RP1: variants seen among roughly 807,000 people sequenced by gnomAD.
RP1 encodes RP1 axonemal microtubule associated.
RP1 carries 16 observed loss-of-function variants against 14.8 expected under a neutral mutation model. The ratio of observed to expected loss-of-function variants is 1.08; its 90% CI spans 0.73 to 1.65. RP1 has a LOEUF of 1.65. Among genes scored for constraint, RP1 ranks in the 40% most tolerant of loss-of-function variants. The pLI, the probability that RP1 is intolerant of heterozygous loss-of-function variation, is 0.00. For missense variants in RP1, 2,631 were observed against 2,535.0 expected (o/e 1.04, Z -0.81); for synonymous variants, 876 against 883.6 (o/e 0.99, Z 0.15).
At position 54,626,434 on chromosome 8, in the gene RP1, CAAAGA is replaced by C; in HGVS notation, c.2554_2558del (p.Lys852GlufsTer8). 6.2e-7 allele frequency: 1 copy of C among 1,613,360 alleles called. No individual in the cohort carries two copies. Among genetic ancestry groups the C allele is most frequent in the Non-Finnish European group, 8.5e-7 (1 of 1,179,800 alleles). ...GCATCTGGGTATTTGAGAGGAATGG[CAAAGA>C]AGAGTTTAGTTTCAAAAGTTACTGA... On this transcript the variant is annotated frameshift_variant, in exon 4 of 4. Transcript: ENST00000220676. LOFTEE classifies it low-confidence loss of function (END_TRUNC).
intron 6 of RP1, chr8:54,663,581 T>A (rs1301318069): frequency 4.3e-6 from 4 of 940,562 alleles, no homozygotes; most frequent in Admixed American, 7.3e-5. Flanking sequence ...CTGTGGTTTC[T>A]GGCATCCACT....
intron 19 of RP1, among the ~76,000 whole-genome samples, chr8:54,744,273 G>A (rs1259602197): frequency 6.6e-6 from 1 of 152,172 alleles, no homozygotes; most frequent in Non-Finnish European, 1.5e-5. Flanking sequence ...CCCTCCAGCA[G>A]TAATCTGTCC....
At chr8:54,802,595 C>T (rs918865843) in intron 24 of RP1, among the ~76,000 whole-genome samples, 4 of 152,258 alleles carry the variant, frequency 2.6e-5, no homozygotes, top group African/African-American at 7.2e-5. Context: ...TTCTTTCTTT[C>T]TGAAAGGTAA....
At chr8:54,644,468 T>C (rs1460918969) in intron 3 of RP1, among the ~76,000 whole-genome samples, 1 of 152,212 alleles carries the variant, frequency 6.6e-6, no homozygotes, top group Non-Finnish European at 1.5e-5. Context: ...AAGGGGTCCA[T>C]ACCATTAGAC....
At position 54,621,110 on chromosome 8, in the gene RP1, C is replaced by T; in HGVS notation, c.144C>T (p.Phe48=). ...ISFYKSGDPQ[F]GGVRVVVNPR... is the part of the protein sequence containing the mutation. Reference sequence around the variant, plus strand: ...TCTACAAGAGCGGAGACCCCCAATTCGGCGGGGTCAGGGTGGTGGTCAACC... The same window carrying T: ...TCTACAAGAGCGGAGACCCCCAATTTGGCGGGGTCAGGGTGGTGGTCAACC... Residue 48 remains phenylalanine (F), a synonymous_variant, in exon 2 of 4, where the codon TTC becomes TTT. Transcript: ENST00000220676. 3 of 1,614,160 alleles carry T rather than the reference C, an allele frequency of 1.9e-6. No homozygotes were observed. Among genetic ancestry groups the T allele is most frequent in the Non-Finnish European group, 1.7e-6 (2 of 1,180,034 alleles).
rs181784802 is a variant in RP1, at chr8:54,713,194, G to A, written c.2211+6539G>A. On this transcript the variant is annotated intron_variant, in intron 15 of 22. Transcript: ENST00000636932. ...AAATACACTTACATTTAAATAAAGT[G>A]ACACTGATCCTATAACAAATATTTC... Among the ~76,000 whole-genome samples the A allele has an allele frequency of 5.3e-5, 8 of 152,100 alleles. No individual in the cohort carries two copies. The East Asian group carries it at 1.4e-3, about 26-fold the overall frequency.
rs1805996252 is a variant in RP1 at position 54,625,167 on chromosome 8, A to G, written c.1285A>G (p.Thr429Ala). The stretch of plus-strand genomic sequence containing the variant: ...CAGTTCTGCTAGTTGGGAGAATGCT[A>G]CTGTGGACACAGATATCATCCAGGG... ...TCSSASWENATVDTDIIQGTQ... is the reference protein window; with the variant it reads ...TCSSASWENAAVDTDIIQGTQ... Residue 429 changes from threonine to alanine, a missense_variant, in exon 4 of 4, where the codon ACT becomes GCT. Transcript: ENST00000220676. 1.2e-6 allele frequency: 2 copies of G among 1,614,088 alleles called. No homozygotes were observed. The highest frequency in any genetic ancestry group is 1.7e-6 in the Non-Finnish European group (2 of 1,180,048).
intron 16 of RP1, among the ~76,000 whole-genome samples, chr8:54,724,615 C>G (rs554739718): frequency 6.6e-6 from 1 of 151,938 alleles, no homozygotes; most frequent in Non-Finnish European, 1.5e-5. Context: ...CAAAGGGCTA[C>G]TAAGGGTTGC....
At chr8:54,707,329 G>T (rs988001427) in intron 15 of RP1, among the ~76,000 whole-genome samples, 3 of 152,048 alleles carry the variant, frequency 2.0e-5, no homozygotes, top group Non-Finnish European at 4.4e-5. Flanking sequence ...TCGCCATGTT[G>T]CCCAGGCTGG....
chr8:54,690,591 G>A, intron 12 of RP1, among the ~76,000 whole-genome samples: 1 of 151,976 alleles, frequency 6.6e-6, no homozygotes, highest in Non-Finnish European at 1.5e-5. Flanking sequence ...CGTCAGGGGA[G>A]TAGAGAATTC....
chr8:54,768,733 C>T (rs987559198), intron 22 of RP1, among the ~76,000 whole-genome samples: 8 of 152,098 alleles, frequency 5.3e-5, no homozygotes, highest in Admixed American at 5.2e-4. Flanking sequence ...CAGTAAATGG[C>T]AAAGCTGGTT....
chr8:54,754,756 A>C, intron 19 of RP1: 1 of 1,459,388 alleles, frequency 6.9e-7, no homozygotes, highest in South Asian at 1.4e-5. Flanking sequence ...AAGTTCTTTG[A>C]GAAATTGGAG....
chr8:54,595,001 A>G (rs1286462135), intron 1 of RP1, among the ~76,000 whole-genome samples: 1 of 152,124 alleles, frequency 6.6e-6, no homozygotes, highest in Non-Finnish European at 1.5e-5. Context: ...ATTTCAAGGT[A>G]TTTTTCTTAC....
At position 54,712,642 on chromosome 8, in the gene RP1, ACTC is replaced by A. The variant is rs563207081; in HGVS notation, c.2211+5991_2211+5993del. On this transcript the variant is annotated intron_variant, in intron 15 of 22. Transcript: ENST00000636932. Reference sequence around the variant, plus strand: ...TTATAGAGAAGAGCCTCCACAGAAAACTCCTCATTTATGTTTTACTTCTGCTAC... The same window carrying A: ...TTATAGAGAAGAGCCTCCACAGAAAACTCATTTATGTTTTACTTCTGCTAC... Among the ~76,000 whole-genome samples the A allele has an allele frequency of 1.7e-3, 257 of 151,132 alleles. 1 individual carries two copies. Among genetic ancestry groups the A allele is most frequent in the Middle Eastern group, 0.014 (4 of 290 alleles).
chr8:54,723,740 A>G (rs895027786), intron 16 of RP1, among the ~76,000 whole-genome samples: 7 of 152,190 alleles, frequency 4.6e-5, no homozygotes, highest in African/African-American at 1.2e-4. Flanking sequence ...CCACACTGCT[A>G]GGTATTGTTT....
Position 54,621,344 on chromosome 8 carries a change from C to G in RP1, c.378C>G (p.Pro126=), listed in dbSNP as rs764196570. The G allele has an allele frequency of 1.9e-6, 3 of 1,611,788 alleles. No homozygotes were observed. The highest frequency in any genetic ancestry group is 1.7e-6 in the Non-Finnish European group (2 of 1,179,008). The change falls in exon 2 of 4, where the codon CCC becomes CCG. Residue 126 remains proline, a synonymous_variant. Transcript: ENST00000220676. ...ACAAAGCCCGTCGGCGCCCGCGGCC[C>G]TGGCTCAGCAGCCGGGCCATTAGCG... ...DLDKARRRPR[P]WLSSRAISAH... is the part of the protein sequence containing the mutation.
chr8:54,783,148 G>A (rs1055686635), intron 23 of RP1, among the ~76,000 whole-genome samples: 5 of 152,044 alleles, frequency 3.3e-5, no homozygotes, highest in East Asian at 1.9e-4. Context: ...AGCTTGATAG[G>A]ACTCTTCTCT....
At position 54,754,657 on chromosome 8, in the gene RP1, G is replaced by A. The variant is rs538801506; in HGVS notation, c.2809-146G>A. On this transcript the variant is annotated intron_variant, in intron 19 of 22. Transcript: ENST00000636932. ...GGCAATTACTTTTGCACCAACCTAC[G>A]ACTACTACTACTAACAACCATCACC... 7.1e-4 allele frequency: 532 copies of A among 753,048 alleles called. 3 individuals carry two copies. The Middle Eastern group carries it at 9.4e-3, about 13-fold the overall frequency. The allele number at this position is 753,048 out of a possible 1,614,324, so 46.6% of individuals were successfully genotyped here.
At chr8:54,820,110 C>A (rs919304002) in intron 24 of RP1, among the ~76,000 whole-genome samples, 1 of 152,022 alleles carries the variant, frequency 6.6e-6, no homozygotes, top group Non-Finnish European at 1.5e-5. Flanking sequence ...CTGGCATCAG[C>A]GTCTTTAGGA....
Sources: gnomAD v4.1 joint callset for allele counts (sites outside exome capture counted in the v4.1 genomes callset) on GRCh38, gnomAD v4.1.1 for gene constraint, MANE v1.5 for transcripts, NCBI Gene and HGNC (gene_info 2026-07-23, HGNC 2026-07-21) for gene names.